Variants in PCDH15 observed in about 807,000 individuals in gnomAD.
PCDH15 encodes protocadherin related 15.
PCDH15 carries 129 observed loss-of-function variants against 178.5 expected under a neutral mutation model. That is an observed-to-expected ratio of 0.72 (90% CI 0.63 to 0.84). The LOEUF (loss-of-function observed/expected upper bound fraction) is 0.84. Among genes scored for constraint, PCDH15 ranks in the 40% least tolerant of loss-of-function variants. The probability of loss-of-function intolerance (pLI) is 0.00; values close to 1 mark genes in which losing one functional copy is unlikely to be tolerated. For synonymous variants in PCDH15, 800 were observed against 732.0 expected, an observed-to-expected ratio of 1.09 and a Z score of -1.50; for missense variants, 2,230 against 2,099.9, an observed-to-expected ratio of 1.06 and a Z score of -1.21.
chr10:54,107,408 G>A (rs544426153), intron 15 of PCDH15, among the ~76,000 whole-genome samples: 1 of 152,184 alleles, frequency 6.6e-6, no homozygotes, highest in Non-Finnish European at 1.5e-5. Context: ...TTGCGGGTAT[G>A]GGCTGTGGTC....
At chr10:54,823,224 C>CAT (rs771127569) in intron 3 of PCDH15, among the ~76,000 whole-genome samples, 1 of 108,984 alleles carries the variant, frequency 9.2e-6, no homozygotes, top group Non-Finnish European at 2.0e-5. Flanking sequence ...CACACACACA[C>CAT]ACGCACACGC....
chr10:53,944,564 A>C (rs1293419904), intron 23 of PCDH15, among the ~76,000 whole-genome samples: 1 of 152,166 alleles, frequency 6.6e-6, no homozygotes, highest in Non-Finnish European at 1.5e-5. Context: ...AGCTTTTCGC[A>C]CCTGATTTAT....
In PCDH15 at chr10:54,873,717, A is replaced by AT. The variant is rs57416057; in HGVS notation, c.-29+23732_-29+23733insA. 7.0e-4 allele frequency among the ~76,000 whole-genome samples: 99 copies of AT among 142,316 alleles called. 1 individual carries two copies. Among genetic ancestry groups the AT allele is most frequent in the South Asian group, 1.5e-3 (7 of 4,536 alleles). The allele number at this position is 142,316 out of a possible 152,430, so 93.4% of individuals were successfully genotyped here. A position where few individuals can be genotyped will look rare whatever the true frequency, so the allele number is the denominator to read the frequency against. On this transcript the variant is annotated intron_variant, in intron 3 of 5. Transcript: ENST00000458638. Reference sequence around the variant, plus strand: ...ATTTTATATATATATATATATATATAATATATGTGTATGTATATATGTATG... The same window carrying AT: ...ATTTTATATATATATATATATATATATATATATGTGTATGTATATATGTATG...
At chr10:55,560,099 A>G (rs1418485033) in intron 2 of PCDH15, among the ~76,000 whole-genome samples, 1 of 152,002 alleles carries the variant, frequency 6.6e-6, no homozygotes, top group East Asian at 1.9e-4. Context: ...GTTTACAGAC[A>G]AACATGTCGT....
intron 10 of PCDH15, among the ~76,000 whole-genome samples, chr10:54,211,987 C>CA (rs66635175): frequency 0.69 from 103,179 of 150,298 alleles, 36,220 homozygotes; most frequent in Middle Eastern, 0.78. Context: ...GCTATTAAAA[C>CA]AAAAAAAAAA....
intron 2 of PCDH15, among the ~76,000 whole-genome samples, chr10:54,648,572 T>C (rs1201260517): frequency 6.6e-6 from 1 of 152,148 alleles, no homozygotes; most frequent in African/African-American, 2.4e-5. Context: ...AACTTAAATG[T>C]AATAATACAT....
Position 54,712,067 on chromosome 10 carries a change from T to C in PCDH15, c.-28-47777A>G, listed in dbSNP as rs543552086. Among the ~76,000 whole-genome samples, 4 of 152,008 alleles carry C rather than the reference T, an allele frequency of 2.6e-5. No individual in the cohort carries two copies. The South Asian group carries it at 8.3e-4, about 31-fold the overall frequency. ...TATTTCTCGTATATACGTAGTAGTG[T>C]AATTTGTTCCCTGAGGCACTCCTAA... On this transcript the variant is annotated intron_variant, in intron 1 of 37. Coordinates refer to ENST00000644397, the MANE Select transcript of PCDH15 (RefSeq NM_001384140.1).
intron 8 of PCDH15, among the ~76,000 whole-genome samples, chr10:54,241,913 T>C (rs1052935976): frequency 1.3e-5 from 2 of 151,528 alleles, no homozygotes; most frequent in African/African-American, 4.8e-5. Flanking sequence ...AACCTTAAAA[T>C]TATTCTATTT....
chr10:54,904,480 AT>A (rs1167805316), intron 2 of PCDH15, among the ~76,000 whole-genome samples: 2 of 152,050 alleles, frequency 1.3e-5, no homozygotes, highest in Non-Finnish European at 2.9e-5. Context: ...TAAAAAAAAA[AT>A]CTCAGGTTGG....
intron 2 of PCDH15, among the ~76,000 whole-genome samples, chr10:55,514,381 A>AACTT (rs1490006170): frequency 6.6e-6 from 1 of 152,126 alleles, no homozygotes; most frequent in African/African-American, 2.4e-5. Flanking sequence ...GTCAAGAAAA[A>AACTT]ACTTCCCTTT....
At chr10:54,160,859 G>A (rs2045635839) in intron 13 of PCDH15, among the ~76,000 whole-genome samples, 1 of 152,090 alleles carries the variant, frequency 6.6e-6, no homozygotes, top group Non-Finnish European at 1.5e-5. Flanking sequence ...ATACTAATAA[G>A]CATCTGTATA....
intron 2 of PCDH15, among the ~76,000 whole-genome samples, chr10:54,920,837 C>T (rs1230020613): frequency 3.3e-5 from 5 of 152,138 alleles, no homozygotes; most frequent in Non-Finnish European, 7.3e-5. Context: ...CAGTTGAAAA[C>T]TGCCAAAAGA....
chr10:53,922,593 C>T (rs1277338121), intron 25 of PCDH15, among the ~76,000 whole-genome samples: 2 of 152,180 alleles, frequency 1.3e-5, no homozygotes, highest in South Asian at 2.1e-4. Context: ...TAAATGGGAA[C>T]AACTTAATGG....
chr10:54,196,607 CTG>C (rs1271477944), intron 10 of PCDH15, among the ~76,000 whole-genome samples: 1 of 152,182 alleles, frequency 6.6e-6, no homozygotes, highest in Non-Finnish European at 1.5e-5. Context: ...TTTGTCTCTT[CTG>C]TGTCTTCTCA....
chr10:54,016,186 A>G (rs2092734706), intron 20 of PCDH15, among the ~76,000 whole-genome samples: 1 of 152,088 alleles, frequency 6.6e-6, no homozygotes, highest in Non-Finnish European at 1.5e-5. Flanking sequence ...ATCACTAATC[A>G]TGAGAGCAAT....
chr10:54,987,706 G>GT (rs57340864), intron 2 of PCDH15, among the ~76,000 whole-genome samples: 4,125 of 140,540 alleles, frequency 0.029, 157 homozygotes, highest in African/African-American at 0.089. Flanking sequence ...ACTTTTTGAT[G>GT]TTTTTTTTTT....
At chr10:54,723,005 A>G (rs1365224742) in intron 1 of PCDH15, among the ~76,000 whole-genome samples, 1 of 151,712 alleles carries the variant, frequency 6.6e-6, no homozygotes, top group East Asian at 1.9e-4. Context: ...ATGCCTATCA[A>G]TTTAGCAATG....
chr10:55,280,444 A>ATTTTTTTTTTTT (rs1170034467), intron 1 of PCDH15, among the ~76,000 whole-genome samples: 6 of 92,058 alleles, frequency 6.5e-5, no homozygotes, highest in African/African-American at 2.2e-4. Flanking sequence ...GCACCCAGCT[A>ATTTTTTTTTTTT]TTTTTTTTTT....
At chr10:54,002,059 A>G (rs1425563393) in intron 20 of PCDH15, among the ~76,000 whole-genome samples, 1 of 38,476 alleles carries the variant, frequency 2.6e-5, no homozygotes, top group Non-Finnish European at 5.2e-5. Context: ...ATATGTATAT[A>G]TATACATGTA....
Sources: allele counts gnomAD v4.1 joint callset (sites outside exome capture counted in the v4.1 genomes callset), GRCh38; gene constraint gnomAD v4.1.1; transcripts MANE v1.5; gene names NCBI Gene and HGNC (gene_info 2026-07-23, HGNC 2026-07-21).